Variants in PTPRT observed in about 807,000 individuals in gnomAD.
PTPRT encodes the protein receptor-type tyrosine-protein phosphatase T.
Under a neutral mutation model 176.8 loss-of-function variants are expected in PTPRT, and 56 were observed. The observed-to-expected ratio is 0.32, with a 90% confidence interval of 0.26 to 0.40. PTPRT has a LOEUF of 0.40. PTPRT is among the 10% of genes least tolerant of loss of function. The probability of loss-of-function intolerance (pLI) is 1.00; values close to 1 mark genes in which losing one functional copy is unlikely to be tolerated. For synonymous variants in PTPRT, 783 were observed against 739.0 expected (o/e 1.06, Z -0.96); for missense variants, 1,540 against 1,908.2 (o/e 0.81, Z 3.60).
intron 1 of PTPRT, among the ~76,000 whole-genome samples, chr20:42,991,198 G>A (rs1983894167): frequency 6.6e-6 from 1 of 152,250 alleles, no homozygotes; most frequent in South Asian, 2.1e-4. Context: ...GCACCCTCAA[G>A]GGACTGGACC....
At chr20:42,717,578 T>C (rs1287856939) in intron 6 of PTPRT, among the ~76,000 whole-genome samples, 1 of 148,198 alleles carries the variant, frequency 6.7e-6, no homozygotes, top group Non-Finnish European at 1.5e-5. Flanking sequence ...AAAGATAATG[T>C]GAGACAGGAT....
At chr20:42,564,353 C>T (rs6093676) in intron 7 of PTPRT, among the ~76,000 whole-genome samples, 4,186 of 152,316 alleles carry the variant, frequency 0.027, 203 homozygotes, top group African/African-American at 0.096. Context: ...ACAGCTATTG[C>T]CAGCCTTCCA....
chr20:42,812,185 A>G (rs937585025), intron 2 of PTPRT, among the ~76,000 whole-genome samples: 1 of 152,010 alleles, frequency 6.6e-6, no homozygotes, highest in Admixed American at 6.6e-5. Flanking sequence ...AGCATTCTGT[A>G]CCAAATTTTC....
intron 1 of PTPRT, among the ~76,000 whole-genome samples, chr20:42,989,404 G>A (rs1260179309): frequency 6.6e-6 from 1 of 152,200 alleles, no homozygotes; most frequent in Admixed American, 6.5e-5. Flanking sequence ...GGGAGAACCC[G>A]GGAGTATCAC....
chr20:42,167,238 G>A (rs1989868693), intron 16 of PTPRT, among the ~76,000 whole-genome samples: 1 of 152,156 alleles, frequency 6.6e-6, no homozygotes, highest in Non-Finnish European at 1.5e-5. Context: ...ACACACTAGA[G>A]ATGGCATCTA....
chr20:42,353,656 C>A (rs1454611233), intron 9 of PTPRT, among the ~76,000 whole-genome samples: 1 of 152,152 alleles, frequency 6.6e-6, no homozygotes, highest in East Asian at 1.9e-4. Flanking sequence ...AGCACTGGTC[C>A]CACGGATCAC....
intron 17 of PTPRT, among the ~76,000 whole-genome samples, chr20:42,151,216 T>C (rs1391697860): frequency 1.3e-5 from 2 of 151,992 alleles, no homozygotes; most frequent in African/African-American, 4.8e-5. Context: ...ACATGTGCCA[T>C]GGTGGTTTGC....
chr20:42,936,757 T>C (rs1361771705), intron 1 of PTPRT, among the ~76,000 whole-genome samples: 2 of 152,164 alleles, frequency 1.3e-5, no homozygotes, highest in Non-Finnish European at 2.9e-5. Context: ...GATTTGCTGA[T>C]GGGTTAGATG....
chr20:42,509,630 T>C (rs992549932), intron 7 of PTPRT, among the ~76,000 whole-genome samples: 2 of 149,550 alleles, frequency 1.3e-5, no homozygotes, highest in Non-Finnish European at 3.0e-5. Context: ...TGGCCTTTAT[T>C]TATACTCACT....
intron 7 of PTPRT, among the ~76,000 whole-genome samples, chr20:42,549,822 C>T: frequency 6.6e-6 from 1 of 152,008 alleles, no homozygotes; most frequent in East Asian, 1.9e-4. Flanking sequence ...CCTAGGGCAT[C>T]TCAACACTAC....
At chr20:42,370,549 G>A (rs1186554116) in intron 9 of PTPRT, among the ~76,000 whole-genome samples, 1 of 152,174 alleles carries the variant, frequency 6.6e-6, no homozygotes, top group Non-Finnish European at 1.5e-5. Flanking sequence ...CCACTTACTA[G>A]CTTTGAGACT....
In PTPRT at chr20:42,673,735, A is replaced by G. The variant is rs141123660; in HGVS notation, c.1153+4131T>C. Among the ~76,000 whole-genome samples, 615 of 152,142 alleles carry G rather than the reference A, an allele frequency of 4.0e-3. 7 individuals carry two copies. The Middle Eastern group carries it at 0.044, about 11-fold the overall frequency. ...CCCAAATGCCCCACCTCCTAATATC[A>G]TCATTTCGAGGGTTAGAATTTCAAC... On this transcript the variant is annotated intron_variant, in intron 7 of 30. Transcript: ENST00000373187.
intron 7 of PTPRT, among the ~76,000 whole-genome samples, chr20:42,527,347 C>A (rs1056173632): frequency 6.6e-6 from 1 of 152,136 alleles, no homozygotes; most frequent in Non-Finnish European, 1.5e-5. Flanking sequence ...ATCCTATGTG[C>A]TTTATCCCTG....
chr20:42,626,609 T>C (rs6030373), intron 7 of PTPRT, among the ~76,000 whole-genome samples: 34,766 of 152,140 alleles, frequency 0.23, 4,360 homozygotes, highest in Non-Finnish European at 0.29. Flanking sequence ...CAGCCCCAGC[T>C]AGGCCTCTTT....
At chr20:42,893,733 T>C (rs930796793) in intron 1 of PTPRT, among the ~76,000 whole-genome samples, 4 of 150,884 alleles carry the variant, frequency 2.7e-5, no homozygotes, top group Admixed American at 6.6e-5. Context: ...AAATTGGAAA[T>C]CATCATTCTC....
chr20:42,288,691 T>C (rs1405034852), intron 12 of PTPRT, among the ~76,000 whole-genome samples: 1 of 152,008 alleles, frequency 6.6e-6, no homozygotes, highest in African/African-American at 2.4e-5. Context: ...GCAGAGGACA[T>C]GGTTTTATTC....
intron 24 of PTPRT, among the ~76,000 whole-genome samples, chr20:42,105,067 T>G (rs542559988): frequency 6.6e-6 from 1 of 152,220 alleles, no homozygotes; most frequent in Non-Finnish European, 1.5e-5. Flanking sequence ...TGTGATTGTC[T>G]GCTGAAGGCA....
At chr20:42,940,791 T>C (rs1430255040) in intron 1 of PTPRT, among the ~76,000 whole-genome samples, 3 of 151,982 alleles carry the variant, frequency 2.0e-5, no homozygotes, top group African/African-American at 2.4e-5. Flanking sequence ...CACAAAAAAA[T>C]AGGATTTCAG....
At chr20:42,665,551 T>C (rs1461182798) in intron 7 of PTPRT, among the ~76,000 whole-genome samples, 1 of 152,178 alleles carries the variant, frequency 6.6e-6, no homozygotes, top group East Asian at 1.9e-4. Flanking sequence ...CTCAGGGATC[T>C]AGAACTGGAA....
Sources: gnomAD v4.1 joint callset for allele counts (sites outside exome capture counted in the v4.1 genomes callset) on GRCh38, gnomAD v4.1.1 for gene constraint, MANE v1.5 for transcripts, NCBI Gene and HGNC (gene_info 2026-07-23, HGNC 2026-07-21) for gene names.